TUSC3: variants seen among roughly 807,000 people sequenced by gnomAD.
TUSC3 encodes tumor suppressor candidate 3.
TUSC3 carries 45 observed loss-of-function variants against 44.8 expected under a neutral mutation model. The observed-to-expected ratio is 1.00, with a 90% CI of 0.79 to 1.29. TUSC3 has a LOEUF of 1.29. TUSC3 is among the 50% of genes most tolerant of loss of function. TUSC3 has a pLI of 0.00. For missense variants in TUSC3, 519 were observed against 437.9 expected (o/e 1.19, Z -1.65); for synonymous variants, 212 against 152.9 (o/e 1.39, Z -2.85).
At chr8:15,529,035 C>G (rs1801416654) in intron 2 of TUSC3, among the ~76,000 whole-genome samples, 1 of 152,180 alleles carries the variant, frequency 6.6e-6, no homozygotes. Context: ...CTCCACTGAC[C>G]TTTCCTGATA....
At chr8:15,713,012 A>G (rs886687004) in intron 6 of TUSC3, among the ~76,000 whole-genome samples, 2 of 152,140 alleles carry the variant, frequency 1.3e-5, no homozygotes, top group African/African-American at 4.8e-5. Context: ...TTTATAAGTA[A>G]TTCTTATTTT....
intron 2 of TUSC3, among the ~76,000 whole-genome samples, chr8:15,508,522 C>T (rs1801089608): frequency 1.7e-5 from 2 of 116,370 alleles, no homozygotes; most frequent in South Asian, 3.0e-4. Flanking sequence ...AGTGCAGTGG[C>T]GCCATCTCGG....
chr8:15,705,227 G>T (rs975040774), intron 6 of TUSC3, among the ~76,000 whole-genome samples: 1 of 151,652 alleles, frequency 6.6e-6, no homozygotes, highest in Non-Finnish European at 1.5e-5. Flanking sequence ...ATGAAAGGAA[G>T]CACTGCTGGA....
chr8:15,839,209 A>G, the TUSC3 span, among the ~76,000 whole-genome samples: 1 of 152,146 alleles, frequency 6.6e-6, no homozygotes, highest in Non-Finnish European at 1.5e-5. Context: ...CATTGATTTT[A>G]TATCCTGAGA....
At chr8:15,513,201 G>T (rs1801166259) in intron 2 of TUSC3, among the ~76,000 whole-genome samples, 1 of 151,448 alleles carries the variant, frequency 6.6e-6, no homozygotes, top group Non-Finnish European at 1.5e-5. Flanking sequence ...ATAAGATTAA[G>T]GCTAACCAAC....
chr8:15,833,155 T>C, the TUSC3 span, among the ~76,000 whole-genome samples: 1 of 152,074 alleles, frequency 6.6e-6, no homozygotes, highest in Non-Finnish European at 1.5e-5. Context: ...AAAACCACAA[T>C]GAGATACTAT....
chr8:15,551,267 A>G (rs1802052727), intron 1 of TUSC3, among the ~76,000 whole-genome samples: 1 of 151,712 alleles, frequency 6.6e-6, no homozygotes, highest in African/African-American at 2.4e-5. Context: ...ACTAGAGTAG[A>G]CTTTTAGATC....
chr8:15,756,084 G>C (rs748655096), intron 9 of TUSC3, among the ~76,000 whole-genome samples: 3 of 152,132 alleles, frequency 2.0e-5, no homozygotes, highest in Non-Finnish European at 2.9e-5. Flanking sequence ...TGATATAATG[G>C]AAAAATAACA....
chr8:15,824,386 A>C, the TUSC3 span, among the ~76,000 whole-genome samples: 1 of 152,300 alleles, frequency 6.6e-6, no homozygotes, highest in South Asian at 2.1e-4. Context: ...TGGGCTTAAT[A>C]TATACAAACT....
chr8:15,587,106 C>G (rs1803633988), intron 1 of TUSC3, among the ~76,000 whole-genome samples: 1 of 151,978 alleles, frequency 6.6e-6, no homozygotes. Flanking sequence ...TTATTTTGTC[C>G]TGAAACAAAT....
At chr8:15,615,220 C>G (rs574403522) in intron 1 of TUSC3, among the ~76,000 whole-genome samples, 5 of 152,108 alleles carry the variant, frequency 3.3e-5, no homozygotes, top group East Asian at 3.9e-4. Context: ...AAGTGTCCAT[C>G]AATAGATGAA....
intron 7 of TUSC3, among the ~76,000 whole-genome samples, chr8:15,741,340 T>C (rs1224215519): frequency 3.3e-5 from 5 of 152,216 alleles, no homozygotes; most frequent in Non-Finnish European, 7.3e-5. Flanking sequence ...AGATGAATCA[T>C]AAAATGAATG....
In TUSC3 at chr8:15,475,187, A is replaced by G. The variant is rs539973721; in HGVS notation, n.92-8199A>G. Among the ~76,000 whole-genome samples, 289 of 151,966 alleles carry G rather than the reference A, an allele frequency of 1.9e-3. 2 individuals are homozygous for G. The highest frequency in any genetic ancestry group is 3.2e-3 in the Non-Finnish European group (216 of 67,982). ...CTTAAACTATCCTATTTAGTCGTCA[A>G]CATTCCAAAGAGGTATATATGGTTA... is the stretch of plus-strand genomic sequence containing the variant. On this transcript the variant is annotated intron_variant and non_coding_transcript_variant, in intron 1 of 5. Coordinates refer to the TUSC3 transcript ENST00000503191.
chr8:15,606,358 A>G (rs1804526865), intron 1 of TUSC3, among the ~76,000 whole-genome samples: 1 of 152,060 alleles, frequency 6.6e-6, no homozygotes, highest in African/African-American at 2.4e-5. Context: ...CATGTACAAA[A>G]TCTGTGTTAA....
intron 2 of TUSC3, among the ~76,000 whole-genome samples, chr8:15,533,674 A>G (rs1044002370): frequency 6.6e-6 from 1 of 152,098 alleles, no homozygotes; most frequent in African/African-American, 2.4e-5. Context: ...TGGAGAAAAA[A>G]CCTGAGAGGG....
the TUSC3 span, among the ~76,000 whole-genome samples, chr8:15,785,673 C>A: frequency 6.6e-6 from 1 of 152,052 alleles, no homozygotes; most frequent in Non-Finnish European, 1.5e-5. Context: ...TACACACACA[C>A]TGATTATTTA....
chr8:15,457,648 A>G (rs1800274870), intron 1 of TUSC3, among the ~76,000 whole-genome samples: 1 of 150,342 alleles, frequency 6.7e-6, no homozygotes, highest in Non-Finnish European at 1.5e-5. Flanking sequence ...TCAAAAGCCT[A>G]TCCATAGGAA....
intron 1 of TUSC3, among the ~76,000 whole-genome samples, chr8:15,611,906 C>A (rs1386883386): frequency 6.6e-6 from 1 of 152,168 alleles, no homozygotes; most frequent in Non-Finnish European, 1.5e-5. Context: ...AACTTTTCTA[C>A]TAAATGCAAA....
chr8:15,833,457 C>T, the TUSC3 span, among the ~76,000 whole-genome samples: 1 of 152,088 alleles, frequency 6.6e-6, no homozygotes, highest in South Asian at 2.1e-4. Context: ...AGGAATTAAC[C>T]TAAATGCCCA....
Sources: gnomAD v4.1 joint callset for allele counts (sites outside exome capture counted in the v4.1 genomes callset) on GRCh38, gnomAD v4.1.1 for gene constraint, MANE v1.5 for transcripts, NCBI Gene and HGNC (gene_info 2026-07-23, HGNC 2026-07-21) for gene names.